The following CAMK4 variants were observed in gnomAD, a reference collection of about 807,000 sequenced individuals.
CAMK4 encodes the protein calcium/calmodulin-dependent protein kinase type IV.
A neutral mutation model predicts 44.9 loss-of-function variants in CAMK4; 22 were observed. That is an observed-to-expected ratio of 0.49 (90% CI 0.35 to 0.70). The LOEUF (loss-of-function observed/expected upper bound fraction) is 0.70, where lower values mean the gene tolerates loss of function less well. Ranked by LOEUF, CAMK4 falls within the 30% of genes least tolerant of loss-of-function variation. CAMK4 has a pLI of 0.01. For missense variants in CAMK4, 498 were observed against 586.8 expected (o/e 0.85, Z 1.56); for synonymous variants, 218 against 215.4 (o/e 1.01, Z -0.11).
intron 7 of CAMK4, among the ~76,000 whole-genome samples, chr5:111,470,423 T>G (rs529547745): frequency 3.9e-5 from 6 of 152,362 alleles, no homozygotes; most frequent in Non-Finnish European, 8.8e-5. Flanking sequence ...AGTGCTAGAA[T>G]GCACACCTTC....
intron 1 of CAMK4, among the ~76,000 whole-genome samples, chr5:111,323,539 G>A (rs1469804383): frequency 6.6e-6 from 1 of 151,634 alleles, no homozygotes; most frequent in Admixed American, 6.6e-5. Context: ...CAGTGAATAT[G>A]AATGATGACT....
intron 1 of CAMK4, among the ~76,000 whole-genome samples, chr5:111,343,793 A>G (rs1246899510): frequency 2.6e-5 from 4 of 151,788 alleles, no homozygotes; most frequent in Non-Finnish European, 5.9e-5. Context: ...GTATAGGGAT[A>G]AGGCAGAAGG....
In CAMK4 at chr5:111,491,361, C is replaced by G. The variant is rs534135872; in HGVS notation, c.*6895C>G. 19 of 151,994 alleles carry G rather than the reference C, an allele frequency of 1.3e-4. No homozygotes were observed. The East Asian group carries it at 3.1e-3, about 25-fold the overall frequency. 9.4% of individuals were successfully genotyped at this position (151,994 alleles called of 1,614,324 possible). A position where few individuals can be genotyped will look rare whatever the true frequency, so the allele number is the denominator to read the frequency against. On this transcript the variant is annotated 3_prime_UTR_variant, in exon 11 of 11. Transcript: ENST00000282356. Reference sequence around the variant, plus strand: ...TGGACCCTTACAGTAAAACAATGACCCTGGGTTTTCATGGCACCCCAATGC... The same window carrying G: ...TGGACCCTTACAGTAAAACAATGACGCTGGGTTTTCATGGCACCCCAATGC...
chr5:111,426,128 T>C (rs1033173867), intron 5 of CAMK4, among the ~76,000 whole-genome samples: 1 of 152,218 alleles, frequency 6.6e-6, no homozygotes, highest in African/African-American at 2.4e-5. Context: ...TTATTTTCTC[T>C]GGTTTTGTAT....
chr5:111,381,329 G>T (rs1179432788), intron 4 of CAMK4, among the ~76,000 whole-genome samples: 2 of 152,146 alleles, frequency 1.3e-5, no homozygotes, highest in East Asian at 3.9e-4. Context: ...AAGCTGAGGA[G>T]CCAGGAAGCC....
chr5:111,320,482 T>C lies in CAMK4; in HGVS notation c.162-23542T>C, dbSNP rs1748615247. ...TATGTAGTACTATTCATATATGATA[T>C]TGCCCTTTTTTGTTGTTGTTTGTTT... On this transcript the variant is annotated intron_variant, in intron 1 of 10. Transcript: ENST00000282356. Among the ~76,000 whole-genome samples, 3 of 142,780 alleles carry C rather than the reference T, an allele frequency of 2.1e-5. No individual in the cohort carries two copies. In the South Asian group the frequency reaches 7.4e-4, roughly 35 times the overall value. The allele number at this position is 142,780 out of a possible 152,430, so 93.7% of individuals were successfully genotyped here. A position where few individuals can be genotyped will look rare whatever the true frequency, so the allele number is the denominator to read the frequency against.
intron 5 of CAMK4, among the ~76,000 whole-genome samples, chr5:111,435,827 T>G (rs1753624816): frequency 6.6e-6 from 1 of 152,218 alleles, no homozygotes; most frequent in African/African-American, 2.4e-5. Context: ...CATGGGCACA[T>G]ACAGTGGAAA....
In CAMK4 at chr5:111,482,805, G is replaced by A. The variant is rs1223364141; in HGVS notation, c.849G>A (p.Leu283=). The A allele has an allele frequency of 6.2e-7, 1 of 1,607,400 alleles. No individual in the cohort carries two copies. Among genetic ancestry groups the A allele is most frequent in the South Asian group, 1.1e-5 (1 of 89,302 alleles). ...AKDLVRKLIV[L]DPKKRLTTFQ... The stretch of plus-strand genomic sequence containing the variant: ...TTCAGGTCAGAAAATTAATTGTTTT[G>A]GATCCAAAGAAACGGCTGACTACAT... Residue 283 remains leucine (L), a synonymous_variant, in exon 10 of 11, where the codon TTG becomes TTA. Transcript: ENST00000282356. The surrounding 1 kb of genome is among the most constrained non-coding windows in gnomAD (Gnocchi z 4.9).
At chr5:111,343,265 A>G (rs1192983217) in intron 1 of CAMK4, among the ~76,000 whole-genome samples, 1 of 151,726 alleles carries the variant, frequency 6.6e-6, no homozygotes, top group Non-Finnish European at 1.5e-5. Context: ...GGGACCGAGT[A>G]TAAGAGGTCC....
rs993183977 is a variant in CAMK4, at chr5:111,491,266, T to G, written c.*6800T>G. ...TGTACATATTGTTTGTGGCTGCTTT[T>G]ATGTTGTCAAGGCAGAGTTGAGTAC... On this transcript the variant is annotated 3_prime_UTR_variant, in exon 11 of 11. Coordinates refer to ENST00000282356, the MANE Select transcript of CAMK4 (RefSeq NM_001744.6). 6.6e-6 allele frequency: 1 copy of G among 152,160 alleles called. No homozygotes were observed. The highest frequency in any genetic ancestry group is 1.5e-5 in the Non-Finnish European group (1 of 68,046). 9.4% of individuals were successfully genotyped at this position (152,160 alleles called of 1,614,324 possible). A position where few individuals can be genotyped will look rare whatever the true frequency, so the allele number is the denominator to read the frequency against.
At chr5:111,331,124 T>C (rs1379355275) in intron 1 of CAMK4, among the ~76,000 whole-genome samples, 1 of 151,490 alleles carries the variant, frequency 6.6e-6, no homozygotes, top group East Asian at 2.0e-4. Flanking sequence ...GATCTCAAAA[T>C]TAAAAGATTA....
intron 7 of CAMK4, among the ~76,000 whole-genome samples, chr5:111,462,282 G>C (rs1032692395): frequency 1.3e-5 from 2 of 152,172 alleles, no homozygotes; most frequent in Admixed American, 1.3e-4. Context: ...GGCCAACCCC[G>C]TACTAAAAAT....
intron 9 of CAMK4, among the ~76,000 whole-genome samples, chr5:111,480,284 A>T (rs1423656084): frequency 6.7e-6 from 1 of 148,880 alleles, no homozygotes; most frequent in South Asian, 2.1e-4. Flanking sequence ...ACACACACAC[A>T]CACACCCCTG....
chr5:111,356,969 G>T (rs1260884644), intron 2 of CAMK4, among the ~76,000 whole-genome samples: 7 of 152,060 alleles, frequency 4.6e-5, no homozygotes, highest in Non-Finnish European at 1.0e-4. Context: ...CAGACAGACA[G>T]ACAGACCATG....
chr5:111,250,916 A>G (rs1489466546), intron 1 of CAMK4, among the ~76,000 whole-genome samples: 1 of 152,122 alleles, frequency 6.6e-6, no homozygotes, highest in Admixed American at 6.6e-5. Context: ...TCAGCCTCCC[A>G]AAGCATTGGG....
intron 5 of CAMK4, among the ~76,000 whole-genome samples, chr5:111,444,012 A>G (rs2112967330): frequency 6.6e-6 from 1 of 152,170 alleles, no homozygotes; most frequent in South Asian, 2.1e-4. Flanking sequence ...CTCCTCTGTC[A>G]TTCTCTCATT....
intron 2 of CAMK4, among the ~76,000 whole-genome samples, chr5:111,347,065 G>A: frequency 6.6e-6 from 1 of 151,992 alleles, no homozygotes; most frequent in East Asian, 1.9e-4. Flanking sequence ...GCCCCAAAAG[G>A]TGGGAGTATC....
intron 9 of CAMK4, among the ~76,000 whole-genome samples, chr5:111,479,430 A>T (rs1419313896): frequency 6.6e-6 from 1 of 152,216 alleles, no homozygotes; most frequent in African/African-American, 2.4e-5. Context: ...GAGGATGCTA[A>T]CATGAGATTG....
intron 4 of CAMK4, among the ~76,000 whole-genome samples, chr5:111,382,687 G>A (rs1042832793): frequency 2.0e-5 from 3 of 152,122 alleles, no homozygotes; most frequent in African/African-American, 7.2e-5. Flanking sequence ...GAGGATCAGA[G>A]AGGTCTGTTA....
Sources: allele counts gnomAD v4.1 joint callset (sites outside exome capture counted in the v4.1 genomes callset), GRCh38; gene constraint gnomAD v4.1.1; non-coding constraint Gnocchi (gnomAD v3.1); transcripts MANE v1.5; gene names NCBI Gene and HGNC (gene_info 2026-07-23, HGNC 2026-07-21).